Variants in METTL15 observed in about 807,000 individuals in gnomAD.
The protein encoded by METTL15 is 12S rRNA N(4)-cytidine methyltransferase METTL15.
METTL15 carries 34 observed loss-of-function variants against 38.3 expected under a neutral mutation model. The observed-to-expected ratio is 0.89, with a 90% CI of 0.68 to 1.18. The LOEUF (loss-of-function observed/expected upper bound fraction) is 1.18. METTL15 is among the 50% of genes most tolerant of loss of function. The pLI is 0.00. For synonymous variants in METTL15, 162 were observed against 170.9 expected (o/e 0.95, Z 0.41); for missense variants, 438 against 498.4 (o/e 0.88, Z 1.15).
chr11:28,309,407 A>C (rs371296212), intron 6 of METTL15, among the ~76,000 whole-genome samples: 1 of 152,034 alleles, frequency 6.6e-6, no homozygotes, highest in African/African-American at 2.4e-5. Flanking sequence ...GTCCTAACCA[A>C]CTTCTACTTC....
intron 6 of METTL15, among the ~76,000 whole-genome samples, chr11:28,513,279 A>G (rs982973790): frequency 1.3e-5 from 2 of 152,150 alleles, no homozygotes; most frequent in African/African-American, 2.4e-5. Flanking sequence ...GGCGGGAGAC[A>G]TGGGGTGGGG....
intron 6 of METTL15, among the ~76,000 whole-genome samples, chr11:28,430,918 C>A (rs796393055): frequency 1.5e-5 from 1 of 65,696 alleles, no homozygotes; most frequent in Non-Finnish European, 3.8e-5. Context: ...GTCAGCCCCC[C>A]GCCCGGCCAG....
At chr11:28,315,948 A>G (rs576625718) in intron 6 of METTL15, among the ~76,000 whole-genome samples, 1 of 152,362 alleles carries the variant, frequency 6.6e-6, no homozygotes, top group African/African-American at 2.4e-5. Context: ...AAACACCTGC[A>G]TGCCCAGGCA....
At chr11:28,139,854 A>G (rs996065026) in intron 3 of METTL15, among the ~76,000 whole-genome samples, 2 of 152,344 alleles carry the variant, frequency 1.3e-5, no homozygotes, top group Admixed American at 1.3e-4. Flanking sequence ...GGATGGAGAA[A>G]ATGCCTGAGG....
intron 6 of METTL15, among the ~76,000 whole-genome samples, chr11:28,498,520 A>T (rs1279122416): frequency 6.6e-6 from 1 of 152,178 alleles, no homozygotes; most frequent in Non-Finnish European, 1.5e-5. Context: ...AATTGTTTAT[A>T]TATCCAGAAA....
intron 3 of METTL15, among the ~76,000 whole-genome samples, chr11:28,342,867 C>T (rs960491772): frequency 2.0e-5 from 3 of 151,970 alleles, no homozygotes; most frequent in Non-Finnish European, 4.4e-5. Flanking sequence ...TGTCACATAT[C>T]TTTGTCGTTA....
chr11:28,431,659 C>T (rs1258491184), intron 6 of METTL15, among the ~76,000 whole-genome samples: 1 of 87,308 alleles, frequency 1.1e-5, no homozygotes, highest in Non-Finnish European at 2.3e-5. Flanking sequence ...CCGCAGGGTC[C>T]TCTGCCTAGG....
intron 5 of METTL15, among the ~76,000 whole-genome samples, chr11:28,372,483 A>G (rs1192515177): frequency 7.7e-6 from 1 of 130,386 alleles, no homozygotes; most frequent in Non-Finnish European, 1.6e-5. Flanking sequence ...ATGCCAATAC[A>G]TGTTAAACCA....
At chr11:28,432,679 G>GT (rs1445869787) in intron 6 of METTL15, among the ~76,000 whole-genome samples, 1 of 152,198 alleles carries the variant, frequency 6.6e-6, no homozygotes, top group Non-Finnish European at 1.5e-5. Context: ...CGAACTCATA[G>GT]TGTTTCCATG....
chr11:28,513,842 G>A (rs545771705), intron 6 of METTL15, among the ~76,000 whole-genome samples: 26 of 152,322 alleles, frequency 1.7e-4, no homozygotes, highest in South Asian at 4.1e-4. Flanking sequence ...GCAGTTTTCC[G>A]CCCTGGGCGG....
chr11:28,384,700 T>G (rs183438252), intron 5 of METTL15, among the ~76,000 whole-genome samples: 8 of 152,236 alleles, frequency 5.3e-5, no homozygotes, highest in Non-Finnish European at 7.4e-5. Context: ...TGTTTTTAGG[T>G]CTTTGAGGAG....
intron 3 of METTL15, among the ~76,000 whole-genome samples, chr11:28,161,307 G>A (rs1249653275): frequency 6.6e-6 from 1 of 151,810 alleles, no homozygotes; most frequent in Non-Finnish European, 1.5e-5. Context: ...TTTTAGTAGA[G>A]ATTAGGTTTC....
At chr11:28,216,161 A>G (rs905537264) in intron 4 of METTL15, among the ~76,000 whole-genome samples, 1 of 152,100 alleles carries the variant, frequency 6.6e-6, no homozygotes, top group African/African-American at 2.4e-5. Flanking sequence ...CTTAGTTTGT[A>G]TGGGGCAAAA....
intron 3 of METTL15, among the ~76,000 whole-genome samples, chr11:28,122,633 C>A (rs1852301692): frequency 1.3e-5 from 2 of 150,822 alleles, no homozygotes; most frequent in African/African-American, 4.9e-5. Flanking sequence ...TTTTCATATT[C>A]AAATCTAATA....
chr11:28,381,865 T>C (rs1850389701), intron 5 of METTL15, among the ~76,000 whole-genome samples: 1 of 152,166 alleles, frequency 6.6e-6, no homozygotes, highest in African/African-American at 2.4e-5. Flanking sequence ...CCAATCACTG[T>C]ATCTTTGCTT....
chr11:28,202,343 T>C (rs1852147744), intron 3 of METTL15, among the ~76,000 whole-genome samples: 1 of 152,102 alleles, frequency 6.6e-6, no homozygotes, highest in Non-Finnish European at 1.5e-5. Flanking sequence ...ATCAATTGAA[T>C]TGTACCCTCC....
At chr11:28,490,600 T>C (rs1851486360) in intron 6 of METTL15, among the ~76,000 whole-genome samples, 1 of 152,146 alleles carries the variant, frequency 6.6e-6, no homozygotes, top group Non-Finnish European at 1.5e-5. Context: ...CAGTCATTTT[T>C]AAAGCTCCCC....
intron 6 of METTL15, among the ~76,000 whole-genome samples, chr11:28,492,553 C>A (rs1254351459): frequency 2.0e-5 from 3 of 151,798 alleles, no homozygotes; most frequent in Non-Finnish European, 4.4e-5. Flanking sequence ...CACATACACA[C>A]ACACAACATT....
At chr11:28,260,357 C>T (rs1855151990) in intron 4 of METTL15, among the ~76,000 whole-genome samples, 2 of 152,130 alleles carry the variant, frequency 1.3e-5, no homozygotes, top group African/African-American at 4.8e-5. Flanking sequence ...TTTATCACTA[C>T]CTCCGCTATC....
Sources: allele counts gnomAD v4.1 joint callset (sites outside exome capture counted in the v4.1 genomes callset), GRCh38; gene constraint gnomAD v4.1.1; transcripts MANE v1.5; gene names NCBI Gene and HGNC (gene_info 2026-07-23, HGNC 2026-07-21).